Variants in PSD3 observed in about 807,000 individuals in gnomAD.
The protein encoded by PSD3 is pleckstrin and Sec7 domain containing 3.
PSD3 carries 49 observed loss-of-function variants against 105.5 expected under a neutral mutation model. The ratio of observed to expected loss-of-function variants is 0.46; its 90% CI spans 0.37 to 0.59. PSD3 has a LOEUF of 0.59. PSD3 is among the 20% of genes least tolerant of loss of function. The pLI is 0.00. For missense variants in PSD3, 1,561 were observed against 1,263.8 expected (o/e 1.24, Z -3.57); for synonymous variants, 557 against 457.8 (o/e 1.22, Z -2.77).
chr8:19,047,327 T>C (rs1828354755), intron 1 of PSD3, among the ~76,000 whole-genome samples: 4 of 152,110 alleles, frequency 2.6e-5, no homozygotes, highest in Admixed American at 2.6e-4. Context: ...ATTGTATAGA[T>C]TTCACCGCAA....
chr8:18,741,469 A>G (rs758164135), intron 9 of PSD3, among the ~76,000 whole-genome samples: 1 of 152,192 alleles, frequency 6.6e-6, no homozygotes, highest in Non-Finnish European at 1.5e-5. Flanking sequence ...ATATCATATT[A>G]AAATCTTAGA....
At chr8:18,738,099 G>A (rs1378444116) in intron 9 of PSD3, among the ~76,000 whole-genome samples, 1 of 152,160 alleles carries the variant, frequency 6.6e-6, no homozygotes, top group South Asian at 2.1e-4. Context: ...GGCTAACATG[G>A]GGTCACAGGG....
intron 11 of PSD3, among the ~76,000 whole-genome samples, chr8:18,627,974 G>C (rs1358767916): frequency 6.6e-6 from 1 of 151,900 alleles, no homozygotes; most frequent in African/African-American, 2.4e-5. Flanking sequence ...GATAAGGAGA[G>C]AAACGGAAGA....
intron 9 of PSD3, among the ~76,000 whole-genome samples, chr8:18,720,039 T>C (rs1802852188): frequency 6.6e-6 from 1 of 152,100 alleles, no homozygotes; most frequent in Admixed American, 6.6e-5. Context: ...AAATGTAAAA[T>C]AGAATTCCAT....
At chr8:18,636,134 A>G (rs1484219573) in intron 10 of PSD3, among the ~76,000 whole-genome samples, 1 of 152,100 alleles carries the variant, frequency 6.6e-6, no homozygotes, top group East Asian at 1.9e-4. Context: ...GTGGGACAAT[A>G]CATGAGGCGA....
chr8:18,539,249 A>G (rs1800013493), intron 15 of PSD3, among the ~76,000 whole-genome samples: 1 of 152,204 alleles, frequency 6.6e-6, no homozygotes, highest in South Asian at 2.1e-4. Context: ...ACAAAATAAA[A>G]TTGTCTCAGA....
chr8:18,692,796 C>G (rs966995961), intron 9 of PSD3, among the ~76,000 whole-genome samples: 1 of 152,136 alleles, frequency 6.6e-6, no homozygotes, highest in Middle Eastern at 3.2e-3. Context: ...GGGCAGTAAA[C>G]CAAACTGCCT....
In PSD3 at chr8:18,535,303, C is replaced by A. The variant is rs933758312; in HGVS notation, c.*440G>T. On this transcript the variant is annotated 3_prime_UTR_variant, in exon 16 of 16. Transcript: ENST00000327040. ...ACCTCTGTGACTGGGCAAGATTTCACATATAAAGGCGTATATTAACTCCAG... is the reference window on the plus strand; with the variant it reads ...ACCTCTGTGACTGGGCAAGATTTCAAATATAAAGGCGTATATTAACTCCAG... The A allele has an allele frequency of 2.3e-5, 4 of 174,556 alleles. No individual in the cohort carries two copies. Among genetic ancestry groups the A allele is most frequent in the African/African-American group, 9.6e-5 (4 of 41,772 alleles). 10.8% of individuals were successfully genotyped at this position (174,556 alleles called of 1,614,324 possible). A position where few individuals can be genotyped will look rare whatever the true frequency, so the allele number is the denominator to read the frequency against.
rs554443707 is a variant in PSD3 at position 18,793,349 on chromosome 8, T to TAAC, written c.2082+5943_2082+5945dup. Among the ~76,000 whole-genome samples the TAAC allele has an allele frequency of 4.1e-3, 446 of 108,286 alleles. 2 individuals are homozygous for TAAC. The highest frequency in any genetic ancestry group is 0.015 in the African/African-American group (411 of 28,002). 71.0% of individuals were successfully genotyped at this position (108,286 alleles called of 152,430 possible). A position where few individuals can be genotyped will look rare whatever the true frequency, so the allele number is the denominator to read the frequency against. On this transcript the variant is annotated intron_variant, in intron 8 of 15. Transcript: ENST00000327040. ...CAAAATAAAATAAAAAATAAAAAAA[T>TAAC]AACTCTGTAAGGTATCAAAATAGAA... is the stretch of plus-strand genomic sequence containing the variant.
intron 4 of PSD3, among the ~76,000 whole-genome samples, chr8:18,837,474 G>A (rs572388238): frequency 1.3e-5 from 2 of 152,188 alleles, no homozygotes; most frequent in South Asian, 4.2e-4. Context: ...AAATCAGAGG[G>A]GGCTCTAAAA....
At chr8:18,575,970 A>AT (rs1237055354) in intron 12 of PSD3, among the ~76,000 whole-genome samples, 1 of 152,148 alleles carries the variant, frequency 6.6e-6, no homozygotes, top group African/African-American at 2.4e-5. Flanking sequence ...TCCTTCCCAT[A>AT]TTTTATCAAA....
At chr8:18,971,971 C>T (rs148378629) in intron 1 of PSD3, among the ~76,000 whole-genome samples, 3 of 152,232 alleles carry the variant, frequency 2.0e-5, no homozygotes, top group East Asian at 3.9e-4. Context: ...CGCCACAGCA[C>T]ACCAGCCTGG....
intron 9 of PSD3, among the ~76,000 whole-genome samples, chr8:18,705,718 T>A (rs965965568): frequency 1.3e-5 from 2 of 152,048 alleles, no homozygotes; most frequent in African/African-American, 4.8e-5. Flanking sequence ...ATTAAAAAAG[T>A]CTTAAAGAAA....
intron 4 of PSD3, among the ~76,000 whole-genome samples, chr8:18,813,154 T>C (rs1386012661): frequency 6.6e-6 from 1 of 152,128 alleles, no homozygotes; most frequent in East Asian, 1.9e-4. Flanking sequence ...GCTTGAGATG[T>C]GCATGGAGCT....
chr8:18,545,028 GAGA>G lies in PSD3; in HGVS notation c.2929-9073_2929-9071del, dbSNP rs564291848. Among the ~76,000 whole-genome samples, 461 of 152,290 alleles carry G rather than the reference GAGA, an allele frequency of 3.0e-3. 1 individual carries two copies. Among genetic ancestry groups the G allele is most frequent in the Admixed American group, 9.2e-3 (140 of 15,288 alleles). Reference sequence around the variant, plus strand: ...GAATAACAACACTGTTGTCTTTGTGGAGAAGAAGAAGGAGATATGAGTTGTTAA... The same window carrying G: ...GAATAACAACACTGTTGTCTTTGTGGAGAAGAAGGAGATATGAGTTGTTAA... On this transcript the variant is annotated intron_variant, in intron 15 of 15. Coordinates refer to ENST00000327040, the MANE Select transcript of PSD3 (RefSeq NM_015310.4).
chr8:18,981,747 C>T (rs957821241), intron 1 of PSD3, among the ~76,000 whole-genome samples: 4 of 152,074 alleles, frequency 2.6e-5, no homozygotes, highest in Non-Finnish European at 5.9e-5. Flanking sequence ...AAAAAGAAAA[C>T]AATGTCAATG....
chr8:18,933,279 C>T (rs1352982453), intron 2 of PSD3, among the ~76,000 whole-genome samples: 2 of 152,006 alleles, frequency 1.3e-5, no homozygotes, highest in African/African-American at 4.8e-5. Context: ...CTACTCAAAA[C>T]CCACGAGTAA....
At chr8:18,655,709 A>C (rs1047631866) in intron 9 of PSD3, 24 bp from the exon 10 acceptor site, 9 of 1,605,904 alleles carry the variant, frequency 5.6e-6, no homozygotes, top group Non-Finnish European at 6.8e-6. Context: ...AAATGAGATC[A>C]CATTATTCTT....
intron 15 of PSD3, among the ~76,000 whole-genome samples, chr8:18,538,609 G>C (rs1329295025): frequency 6.6e-6 from 1 of 152,166 alleles, no homozygotes; most frequent in Non-Finnish European, 1.5e-5. Flanking sequence ...TCATGAAGCT[G>C]GAGCGTTGAC....
Sources: allele counts gnomAD v4.1 joint callset (sites outside exome capture counted in the v4.1 genomes callset), GRCh38; gene constraint gnomAD v4.1.1; transcripts MANE v1.5; gene names NCBI Gene and HGNC (gene_info 2026-07-23, HGNC 2026-07-21).